ERRFI1: variants seen among roughly 807,000 people sequenced by gnomAD.
ERRFI1 encodes the protein ERBB receptor feedback inhibitor 1.
ERRFI1 carries 12 observed loss-of-function variants against 14.6 expected under a neutral mutation model. The ratio of observed to expected loss-of-function variants is 0.82; its 90% CI spans 0.53 to 1.33. The LOEUF is 1.33. Ranked by LOEUF, ERRFI1 falls within the 40% of genes most tolerant of loss-of-function variation. ERRFI1 has a pLI of 0.00. For missense variants in ERRFI1, 482 were observed against 572.1 expected (o/e 0.84, Z 1.61); for synonymous variants, 202 against 209.9 (o/e 0.96, Z 0.32).
Position 8,014,063 on chromosome 1 carries a change from G to C in ERRFI1, c.536C>G (p.Thr179Arg), listed in dbSNP as rs1641134475. ...CEVEFLTSSD[T>R]DFLLEDSTLS... The stretch of plus-strand genomic sequence containing the variant: ...TGTAGAGTCTTCTAAAAGGAAGTCT[G>C]TATCTGAGCTAGTTAGGAATTCCAC... The change falls in exon 4 of 4, where the codon ACA becomes AGA. Residue 179 changes from threonine to arginine, a missense_variant. Transcript: ENST00000377482. 6.2e-7 allele frequency: 1 copy of C among 1,614,168 alleles called. No individual in the cohort carries two copies. Among genetic ancestry groups the C allele is most frequent in the Non-Finnish European group, 8.5e-7 (1 of 1,180,036 alleles).
chr1:8,018,817 A>G (rs1197057839), intron 1 of ERRFI1, among the ~76,000 whole-genome samples: 1 of 152,192 alleles, frequency 6.6e-6, no homozygotes, highest in African/African-American at 2.4e-5. Flanking sequence ...TCCTTTTATT[A>G]ATCCACTTGT....
chr1:8,019,426 A>G (rs1641245695), intron 1 of ERRFI1, among the ~76,000 whole-genome samples: 2 of 152,114 alleles, frequency 1.3e-5, no homozygotes, highest in South Asian at 4.2e-4. Context: ...GAAACACTGG[A>G]GCAGCGGTGC....
Position 8,015,734 on chromosome 1 carries a change from G to C in ERRFI1, c.-73-42C>G, listed in dbSNP as rs1047414232. Reference sequence around the variant, plus strand: ...ATGAGAGAATAAAGAAAACAATTCAGAAATACCTCCATTAGGACAGTCTAA... The same window carrying C: ...ATGAGAGAATAAAGAAAACAATTCACAAATACCTCCATTAGGACAGTCTAA... On this transcript the variant is annotated intron_variant, in intron 1 of 3. Coordinates refer to ENST00000377482, the MANE Select transcript of ERRFI1 (RefSeq NM_018948.4). 3.8e-6 allele frequency: 5 copies of C among 1,311,136 alleles called. No individual in the cohort carries two copies. In the African/African-American group the frequency reaches 7.4e-5, roughly 19 times the overall value. 81.2% of individuals were successfully genotyped at this position (1,311,136 alleles called of 1,614,324 possible).
At position 8,013,337 on chromosome 1, in the gene ERRFI1, G is replaced by C; in HGVS notation, c.1262C>G (p.Ala421Gly). ...FREAEETNGG[A>G]QIQPLPADCG... is the part of the protein sequence containing the mutation. ...GTCAGCAGGTAATGGCTGGATTTGG[G>C]CGCCTCCATTTGTTTCTTCTGCTTC... Residue 421 changes from alanine (A) to glycine (G), a missense_variant, in exon 4 of 4, where the codon GCC (alanine) becomes GGC (glycine). Coordinates refer to ENST00000377482, the MANE Select transcript of ERRFI1 (RefSeq NM_018948.4). The surrounding 1 kb of genome is among the most constrained non-coding windows in gnomAD (Gnocchi z 4.3). 6.2e-7 allele frequency: 1 copy of C among 1,614,184 alleles called. No individual in the cohort carries two copies. The highest frequency in any genetic ancestry group is 8.5e-7 in the Non-Finnish European group (1 of 1,180,044).
At position 8,012,700 on chromosome 1, in the gene ERRFI1, A is replaced by T. The variant is rs1297343825; in HGVS notation, c.*510T>A. On this transcript the variant is annotated 3_prime_UTR_variant, in exon 4 of 4. Transcript: ENST00000377482. ...TTGCCTGCAAAAATAAATGGAACAA[A>T]ATAGAAAAGGCCTAAAAGCCAGAAA... is the stretch of plus-strand genomic sequence containing the variant. 4.3e-6 allele frequency: 1 copy of T among 230,590 alleles called. No individual in the cohort carries two copies. Among genetic ancestry groups the T allele is most frequent in the Non-Finnish European group, 8.6e-6 (1 of 116,520 alleles). The allele number at this position is 230,590 out of a possible 1,614,324, so 14.3% of individuals were successfully genotyped here.
At chr1:8,025,363 C>T (rs1199743397) in intron 1 of ERRFI1, among the ~76,000 whole-genome samples, 2 of 152,222 alleles carry the variant, frequency 1.3e-5, no homozygotes, top group Admixed American at 6.5e-5. Flanking sequence ...TAAGCATTCA[C>T]GTCTTGAACA....
rs1054669771 is a variant in ERRFI1, at chr1:8,013,824, T to C, written c.775A>G (p.Lys259Glu). The C allele has an allele frequency of 6.8e-6, 11 of 1,614,002 alleles. No individual in the cohort carries two copies. The Admixed American group carries it at 8.3e-5, about 12-fold the overall frequency. ...CAGTTGGATATCCTTATGGCTGGCT[T>C]GTTAAAGGAGCCAGCTGGTCCCGAA... ...SHSGPAGSFN[K>E]PAIRISNCCI... is the part of the protein sequence containing the mutation. Residue 259 changes from lysine (K) to glutamate (E), a missense_variant, in exon 4 of 4, where the codon AAG becomes GAG. Lys to Glu is a moderately conservative substitution (Grantham distance 56). Coordinates refer to ENST00000377482, the MANE Select transcript of ERRFI1 (RefSeq NM_018948.4). The surrounding 1 kb of genome is among the most constrained non-coding windows in gnomAD (Gnocchi z 4.3).
intron 1 of ERRFI1, among the ~76,000 whole-genome samples, chr1:8,025,769 C>A (rs960802045): frequency 6.6e-6 from 1 of 152,186 alleles, no homozygotes; most frequent in South Asian, 2.1e-4. Flanking sequence ...CGCTCCCGAA[C>A]CCCCGTCCGC....
intron 1 of ERRFI1, among the ~76,000 whole-genome samples, chr1:8,025,271 T>C (rs923256353): frequency 3.9e-5 from 6 of 152,204 alleles, no homozygotes; most frequent in Non-Finnish European, 7.3e-5. Context: ...CAAGCACTAA[T>C]ACAGCACCAT....
chr1:8,015,365 G>A lies in ERRFI1; in HGVS notation c.145C>T (p.Pro49Ser). The A allele has an allele frequency of 1.2e-6, 2 of 1,614,116 alleles. No homozygotes were observed. Among genetic ancestry groups the A allele is most frequent in the African/African-American group, 2.7e-5 (2 of 75,030 alleles). The change falls in exon 3 of 4, where the codon CCG becomes TCG. Residue 49 changes from proline (P) to serine (S), a missense_variant. Physicochemically the swap from Pro to Ser is moderately conservative, Grantham distance 74 (BLOSUM62 -1). Coordinates refer to ENST00000377482, the MANE Select transcript of ERRFI1 (RefSeq NM_018948.4). Reference protein sequence around the residue: ...EFKNNFLNIDPITMAYSLNSS... With the variant: ...EFKNNFLNIDSITMAYSLNSS... The stretch of plus-strand genomic sequence containing the variant: ...TTCAGACTGTAGGCCATGGTTATCG[G>A]GTCAATATTTAAAAAGTTGCTGAAA...
intron 1 of ERRFI1, among the ~76,000 whole-genome samples, chr1:8,018,842 T>C (rs960919635): frequency 1.2e-4 from 19 of 152,336 alleles, no homozygotes; most frequent in African/African-American, 4.6e-4. Flanking sequence ...CTTCAACTCA[T>C]AGACAGCTCC....
rs1361059014 is a variant in ERRFI1 at position 8,013,679 on chromosome 1, G to A, written c.920C>T (p.Ser307Leu). ...CCTGTCTTCATCACTATAGGTGCTC[G>A]AAGTAACTTCTGCTGACCATCTTCT... ...DYRRWSAEVT[S>L]STYSDEDRPP... The change falls in exon 4 of 4, where the codon TCG (serine) becomes TTG (leucine). Residue 307 changes from serine (S) to leucine (L), a missense_variant. Ser to Leu is a moderately radical substitution (Grantham distance 145, BLOSUM62 -2). Coordinates refer to ENST00000377482, the MANE Select transcript of ERRFI1 (RefSeq NM_018948.4). The surrounding 1 kb of genome is among the most constrained non-coding windows in gnomAD (Gnocchi z 4.3). The A allele has an allele frequency of 6.8e-6, 11 of 1,614,030 alleles. No individual in the cohort carries two copies. Among genetic ancestry groups the A allele is most frequent in the Admixed American group, 1.7e-5 (1 of 59,994 alleles).
In ERRFI1 at chr1:8,012,739, TAAACA is replaced by T. The variant is rs1269550910; in HGVS notation, c.*466_*470del. 4.3e-6 allele frequency: 1 copy of T among 230,808 alleles called. No individual in the cohort carries two copies. The highest frequency in any genetic ancestry group is 2.2e-5 in the African/African-American group (1 of 45,132). The allele number at this position is 230,808 out of a possible 1,614,324, so 14.3% of individuals were successfully genotyped here. On this transcript the variant is annotated 3_prime_UTR_variant, in exon 4 of 4. Coordinates refer to ENST00000377482, the MANE Select transcript of ERRFI1 (RefSeq NM_018948.4). ...AAAAGCCAGAAATCTTCAAACTTAC[TAAACA>T]AAAATATTTTTTAATGATTCTGATC...
chr1:8,022,400 T>C (rs1641285822), intron 1 of ERRFI1, among the ~76,000 whole-genome samples: 1 of 152,242 alleles, frequency 6.6e-6, no homozygotes, highest in African/African-American at 2.4e-5. Context: ...TACCTTATAT[T>C]TGTAAAGCAC....
At chr1:8,015,819 C>A in intron 1 of ERRFI1, 127 bp from the exon 2 acceptor site, 1 of 601,032 alleles carries the variant, frequency 1.7e-6, no homozygotes, top group Non-Finnish European at 2.8e-6. Flanking sequence ...TAGTTGTAGA[C>A]TTTCACTTAA....
rs746056102 is a variant in ERRFI1, at chr1:8,013,868, C to T, written c.731G>A (p.Arg244Gln). 1.1e-5 allele frequency: 18 copies of T among 1,614,058 alleles called. No individual in the cohort carries two copies. The highest frequency in any genetic ancestry group is 1.1e-4 in the East Asian group (5 of 44,874). The change falls in exon 4 of 4, where the codon CGA becomes CAA. Residue 244 changes from arginine to glutamine, a missense_variant. Physicochemically the swap from Arg to Gln is conservative, Grantham distance 43 (BLOSUM62 1). Coordinates refer to ENST00000377482, the MANE Select transcript of ERRFI1 (RefSeq NM_018948.4). The surrounding 1 kb of genome is among the most constrained non-coding windows in gnomAD (Gnocchi z 4.3). ...DPNPPPPQTH[R>Q]RLRRSHSGPA... ...TCCCGAATGAGACCTTCTTAATCTTCGGTGGGTCTGAGGTGGAGGAGGATT... is the reference window on the plus strand; with the variant it reads ...TCCCGAATGAGACCTTCTTAATCTTTGGTGGGTCTGAGGTGGAGGAGGATT...
rs1557464759 is a variant in ERRFI1 at position 8,015,217 on chromosome 1, C to A, written c.202+91G>T. 7 of 1,148,680 alleles carry A rather than the reference C, an allele frequency of 6.1e-6. No homozygotes were observed. In the East Asian group the frequency reaches 1.7e-4, roughly 27 times the overall value. 71.2% of individuals were successfully genotyped at this position (1,148,680 alleles called of 1,614,324 possible). On this transcript the variant is annotated intron_variant, in intron 3 of 3. Coordinates refer to ENST00000377482, the MANE Select transcript of ERRFI1 (RefSeq NM_018948.4). ...TTGTTGGAAATAGTTCAGGTTTCCT[C>A]ATTTAAAAAATAATGCTGGAGGACA... is the stretch of plus-strand genomic sequence containing the variant.
chr1:8,023,677 A>G (rs1257193297), intron 1 of ERRFI1, among the ~76,000 whole-genome samples: 1 of 152,208 alleles, frequency 6.6e-6, no homozygotes, highest in Non-Finnish European at 1.5e-5. Flanking sequence ...GGACTACAGT[A>G]TCAACAAAGA....
chr1:8,016,132 T>A (rs1415653013), intron 1 of ERRFI1, among the ~76,000 whole-genome samples: 1 of 152,198 alleles, frequency 6.6e-6, no homozygotes, highest in Non-Finnish European at 1.5e-5. Context: ...GCCACTGTAT[T>A]TTATGCTGTA....
Sources: gnomAD v4.1 joint callset for allele counts (sites outside exome capture counted in the v4.1 genomes callset) on GRCh38, gnomAD v4.1.1 for gene constraint, Gnocchi (gnomAD v3.1) non-coding constraint, MANE v1.5 for transcripts, NCBI Gene and HGNC (gene_info 2026-07-23, HGNC 2026-07-21) for gene names.